The following OTUD7B variants were observed in gnomAD, a reference collection of about 807,000 sequenced individuals.
OTUD7B encodes the protein OTU domain-containing protein 7B.
A neutral mutation model predicts 82.2 loss-of-function variants in OTUD7B; 34 were observed. The observed-to-expected ratio is 0.41, with a 90% confidence interval of 0.31 to 0.55. The LOEUF (loss-of-function observed/expected upper bound fraction) is 0.55. OTUD7B is among the 20% of genes least tolerant of loss of function. The pLI, the probability that OTUD7B is intolerant of heterozygous loss-of-function variation, is 0.20. For synonymous variants in OTUD7B, 398 were observed against 402.7 expected, an observed-to-expected ratio of 0.99 and a Z score of 0.14; for missense variants, 944 against 1,062.1, an observed-to-expected ratio of 0.89 and a Z score of 1.55.
the OTUD7B span, among the ~76,000 whole-genome samples, chr1:150,016,550 G>C: frequency 3.3e-5 from 5 of 151,018 alleles, no homozygotes; most frequent in Non-Finnish European, 7.4e-5. Context: ...TGCCTCCCGG[G>C]TTCAAACTTC....
At chr1:149,953,959 G>T (rs782746640) in intron 7 of OTUD7B, among the ~76,000 whole-genome samples, 5 of 152,084 alleles carry the variant, frequency 3.3e-5, no homozygotes, top group Non-Finnish European at 5.9e-5. Context: ...AAGACAGTGG[G>T]GTTTTCTAAA....
At chr1:149,962,611 T>C (rs1649235900) in intron 6 of OTUD7B, 1 of 152,236 alleles carries the variant, frequency 6.6e-6, no homozygotes, top group Non-Finnish European at 1.5e-5. Context: ...TGGGTATTTC[T>C]GGGTTTCCTG....
At chr1:150,024,827 C>T in the OTUD7B span, among the ~76,000 whole-genome samples, 1 of 152,056 alleles carries the variant, frequency 6.6e-6, no homozygotes, top group Admixed American at 6.5e-5. Context: ...GCGGGCGGAT[C>T]TCTTGAGGTC....
In OTUD7B at chr1:149,971,158, C is replaced by T. The variant is rs781886432; in HGVS notation, c.179G>A (p.Ser60Asn). 6.2e-7 allele frequency: 1 copy of T among 1,613,902 alleles called. No individual in the cohort carries two copies. The highest frequency in any genetic ancestry group is 8.5e-7 in the Non-Finnish European group (1 of 1,179,796). The change falls in exon 3 of 12, where the codon AGT becomes AAT. Residue 60 changes from serine (S) to asparagine (N), a missense_variant. Physicochemically the swap from Ser to Asn is conservative, Grantham distance 46. Coordinates refer to ENST00000581312, the MANE Select transcript of OTUD7B (RefSeq NM_020205.4). ...TTTTTCAGGGGTCCTGGAGCCACCA[C>T]TCCCCTCACTAAAGGATGGGGGTAG... ...GNLPPSFSEG[S>N]GGSRTPEKGF...
Position 149,964,282 on chromosome 1 carries a change from T to A in OTUD7B, c.672A>T (p.Gly224=), listed in dbSNP as rs781803906. The change falls in exon 6 of 12, where the codon GGA becomes GGT. Residue 224 remains glycine (G), a synonymous_variant. Transcript: ENST00000581312. ...GCCTTTTCAACGCTTCCTTCTCAAC[T>A]CCCTTCTCCATCAGTGCATACAAAG... ...RKALYALMEK[G]VEKEALKRRW... 1.2e-6 allele frequency: 2 copies of A among 1,613,998 alleles called. No homozygotes were observed. Among genetic ancestry groups the A allele is most frequent in the East Asian group, 2.2e-5 (1 of 44,888 alleles).
At chr1:149,992,320 T>C (rs781966182) in intron 1 of OTUD7B, among the ~76,000 whole-genome samples, 5 of 152,172 alleles carry the variant, frequency 3.3e-5, no homozygotes, top group Admixed American at 6.5e-5. Context: ...AGTATTCTTC[T>C]AATGTTATAA....
At chr1:150,036,397 T>C in the OTUD7B span, among the ~76,000 whole-genome samples, 12 of 151,662 alleles carry the variant, frequency 7.9e-5, no homozygotes, top group Admixed American at 2.6e-4. Flanking sequence ...GTAGCTGGGA[T>C]TACAGGCATG....
the OTUD7B span, among the ~76,000 whole-genome samples, chr1:150,025,159 T>G: frequency 6.6e-6 from 1 of 150,898 alleles, no homozygotes. Context: ...CGGTGCCTCA[T>G]GCCTGTAATC....
rs782490413 is a variant in OTUD7B at position 149,944,938 on chromosome 1, C to T, written c.1451G>A (p.Arg484Gln). The change falls in exon 12 of 12, where the codon CGG becomes CAG. Residue 484 changes from arginine (R) to glutamine (Q), a missense_variant. Arg to Gln is a conservative substitution (Grantham distance 43). Around this residue, in one of 3 missense-constraint regions of OTUD7B, gnomAD observed 530 missense variants for 625.6 expected, o/e 0.85. Transcript: ENST00000581312. ...CCGATCTCGCTTTGACTTCTCCTTCCGCCGGCCGCCCTCGTTGCTGGTGGA... is the reference window on the plus strand; with the variant it reads ...CCGATCTCGCTTTGACTTCTCCTTCTGCCGGCCGCCCTCGTTGCTGGTGGA... Reference protein sequence around the residue: ...SSSTSNEGGRRKEKSKRDREK... With the variant: ...SSSTSNEGGRQKEKSKRDREK... 4.5e-5 allele frequency: 72 copies of T among 1,614,046 alleles called. No individual in the cohort carries two copies. The highest frequency in any genetic ancestry group is 5.9e-5 in the Non-Finnish European group (70 of 1,180,054).
At chr1:150,027,455 T>C in the OTUD7B span, among the ~76,000 whole-genome samples, 3 of 152,114 alleles carry the variant, frequency 2.0e-5, no homozygotes, top group African/African-American at 4.8e-5. Flanking sequence ...GGCATGGTAG[T>C]GCACACCTGT....
the OTUD7B span, among the ~76,000 whole-genome samples, chr1:150,032,108 C>T: frequency 0.02 from 3,016 of 151,242 alleles, 95 homozygotes; most frequent in African/African-American, 0.067. Context: ...GTCAGGAGTT[C>T]GAGACCAGCC....
chr1:150,039,367 C>T, the OTUD7B span, among the ~76,000 whole-genome samples: 2 of 132,588 alleles, frequency 1.5e-5, no homozygotes, highest in Non-Finnish European at 3.1e-5. Flanking sequence ...TATATTATCT[C>T]TTCATTTATT....
At chr1:149,969,591 G>A (rs1346584775) in intron 3 of OTUD7B, among the ~76,000 whole-genome samples, 2 of 151,982 alleles carry the variant, frequency 1.3e-5, no homozygotes, top group East Asian at 3.9e-4. Context: ...TGGCTAATAC[G>A]GTGAAACCCC....
chr1:149,944,029 C>T lies in OTUD7B; in HGVS notation c.2360G>A (p.Gly787Glu). 6.2e-7 allele frequency: 1 copy of T among 1,614,220 alleles called. No individual in the cohort carries two copies. ...NGYREPPEPD[G>E]WAGGLRGLPP... The stretch of plus-strand genomic sequence containing the variant: ...AAGGCCCCGGAGACCTCCAGCCCAT[C>T]CATCTGGCTCAGGGGGCTCTCTGTA... Residue 787 changes from glycine to glutamate, a missense_variant, in exon 12 of 12, where the codon GGA becomes GAA. Gly to Glu is a moderately conservative substitution (Grantham distance 98). Transcript: ENST00000581312.
chr1:149,986,273 A>ACACACACAC (rs1228786112), intron 1 of OTUD7B, among the ~76,000 whole-genome samples: 1 of 151,184 alleles, frequency 6.6e-6, no homozygotes, highest in African/African-American at 2.4e-5. Flanking sequence ...ACACACACAC[A>ACACACACAC]GTACTGTTGA....
the OTUD7B span, among the ~76,000 whole-genome samples, chr1:150,033,935 T>G: frequency 1.3e-5 from 2 of 152,128 alleles, no homozygotes; most frequent in African/African-American, 4.8e-5. Flanking sequence ...TTGGCCAGGA[T>G]GGACTCAATC....
chr1:150,039,187 C>T, the OTUD7B span, among the ~76,000 whole-genome samples: 1 of 152,034 alleles, frequency 6.6e-6, no homozygotes, highest in Non-Finnish European at 1.5e-5. Flanking sequence ...AAAGAAAAAA[C>T]TTTTACAATT....
At chr1:149,960,363 A>G (rs1297562907) in intron 6 of OTUD7B, among the ~76,000 whole-genome samples, 4 of 116,614 alleles carry the variant, frequency 3.4e-5, no homozygotes, top group African/African-American at 6.4e-5. Flanking sequence ...CAGATTTCTT[A>G]ATTTCTTTTC....
At chr1:149,969,862 C>T (rs1287102671) in intron 3 of OTUD7B, among the ~76,000 whole-genome samples, 1 of 152,026 alleles carries the variant, frequency 6.6e-6, no homozygotes, top group African/African-American at 2.4e-5. Context: ...CCACCATGCC[C>T]AGCTAATTTT....
Sources: gnomAD v4.1 joint callset for allele counts (sites outside exome capture counted in the v4.1 genomes callset) on GRCh38, gnomAD v4.1.1 for gene constraint, gnomAD v4.1.1 regional missense constraint, MANE v1.5 for transcripts, NCBI Gene and HGNC (gene_info 2026-07-23, HGNC 2026-07-21) for gene names.